GOLGA7B: variants seen among roughly 807,000 people sequenced by gnomAD.
GOLGA7B encodes the protein golgin subfamily A member 7B.
A neutral mutation model predicts 21.5 loss-of-function variants in GOLGA7B; 17 were observed. The ratio of observed to expected loss-of-function variants is 0.79; its 90% CI spans 0.54 to 1.19. GOLGA7B has a LOEUF of 1.19. GOLGA7B is among the 50% of genes most tolerant of loss of function. The pLI, the probability that GOLGA7B is intolerant of heterozygous loss-of-function variation, is 0.00. For synonymous variants in GOLGA7B, 87 were observed against 84.0 expected (o/e 1.04, Z -0.19); for missense variants, 169 against 224.4 (o/e 0.75, Z 1.58).
At position 97,870,535 on chromosome 10, in the gene GOLGA7B, C is replaced by T. The variant is rs2050081221; in HGVS notation, c.*4835C>T. ...CAGAGTGCCAGTTACACGGGGTGCT[C>T]ACTTCATGAGAATTCACTGAGCTGT... On this transcript the variant is annotated 3_prime_UTR_variant, in exon 5 of 5. Transcript: ENST00000370602. 2.6e-5 allele frequency: 4 copies of T among 152,024 alleles called. No homozygotes were observed. In the South Asian group the frequency reaches 8.3e-4, roughly 32 times the overall value. The allele number at this position is 152,024 out of a possible 1,614,324, so 9.4% of individuals were successfully genotyped here. A position where few individuals can be genotyped will look rare whatever the true frequency, so the allele number is the denominator to read the frequency against.
At chr10:97,864,345 A>G (rs1170917970) in intron 4 of GOLGA7B, 76 bp downstream of exon 4, 5 of 1,273,904 alleles carry the variant, frequency 3.9e-6, no homozygotes, top group Non-Finnish European at 5.7e-6. Flanking sequence ...CTGCCAGGAA[A>G]CGAGGCCACC....
In GOLGA7B at chr10:97,859,482, C is replaced by T. The variant is rs768638204; in HGVS notation, c.37C>T (p.Arg13Ter). The change falls in exon 2 of 5, where the codon CGA (arginine) becomes TGA (stop). Residue 13 changes from arginine (R) to a stop codon, truncating the protein, a stop_gained. Transcript: ENST00000370602. LOFTEE classifies it high-confidence loss of function. Reference sequence around the variant, plus strand: ...GGTCCACAATCTGCAGGAGCTCCGGCGAAGTGCCTCACTGGCCACCAAGGT... The same window carrying T: ...GGTCCACAATCTGCAGGAGCTCCGGTGAAGTGCCTCACTGGCCACCAAGGT... ...TEVHNLQELR[R>*]SASLATKVFI... 137 of 1,613,972 alleles carry T rather than the reference C, an allele frequency of 8.5e-5. No individual in the cohort carries two copies. Among genetic ancestry groups the T allele is most frequent in the Non-Finnish European group, 1.1e-4 (132 of 1,179,984 alleles).
chr10:97,858,430 G>A (rs749933949), intron 1 of GOLGA7B, among the ~76,000 whole-genome samples: 6 of 152,150 alleles, frequency 3.9e-5, no homozygotes, highest in Non-Finnish European at 8.8e-5. Flanking sequence ...TGCCTTTGGG[G>A]CTTGGTCTCC....
At chr10:97,865,467 C>T (rs2050008687) in intron 4 of GOLGA7B, 123 bp from the exon 5 acceptor site, 1 of 1,508,864 alleles carries the variant, frequency 6.6e-7, no homozygotes, top group Non-Finnish European at 9.0e-7. Context: ...CCTTTACATC[C>T]CTACTGTCTA....
At chr10:97,860,596 G>A (rs1241235798) in intron 2 of GOLGA7B, among the ~76,000 whole-genome samples, 2 of 152,014 alleles carry the variant, frequency 1.3e-5, no homozygotes, top group African/African-American at 2.4e-5. Flanking sequence ...CAAGTGATCC[G>A]CCCTCCTCGG....
chr10:97,858,396 G>T (rs935595397), intron 1 of GOLGA7B, among the ~76,000 whole-genome samples: 1 of 152,202 alleles, frequency 6.6e-6, no homozygotes, highest in Non-Finnish European at 1.5e-5. Context: ...TAATTACATG[G>T]GATGAACTGG....
In GOLGA7B at chr10:97,869,786, C is replaced by T. The variant is rs1203878236; in HGVS notation, c.*4086C>T. 1 of 152,294 alleles carries T rather than the reference C, an allele frequency of 6.6e-6. No homozygotes were observed. The highest frequency in any genetic ancestry group is 1.5e-5 in the Non-Finnish European group (1 of 68,088). 9.4% of individuals were successfully genotyped at this position (152,294 alleles called of 1,614,324 possible). On this transcript the variant is annotated 3_prime_UTR_variant, in exon 5 of 5. Coordinates refer to ENST00000370602, the MANE Select transcript of GOLGA7B (RefSeq NM_001010917.3). ...CAGAGGTGTGGGGCAAAGGTGGAGT[C>T]TGGTGACTTTCTCCCTAGGGCCAGC...
intron 1 of GOLGA7B, among the ~76,000 whole-genome samples, chr10:97,859,027 AG>A (rs1205484669): frequency 6.6e-6 from 1 of 152,202 alleles, no homozygotes; most frequent in African/African-American, 2.4e-5. Flanking sequence ...CGTGCGAGAG[AG>A]ACTCAACTTT....
At position 97,868,763 on chromosome 10, in the gene GOLGA7B, G is replaced by A. The variant is rs1003300570; in HGVS notation, c.*3063G>A. ...TCTTCTAGAGATGAGGTCCTGGGGA[G>A]GGGGTGAGGATTTACTAAACGGGTA... On this transcript the variant is annotated 3_prime_UTR_variant, in exon 5 of 5. Coordinates refer to ENST00000370602, the MANE Select transcript of GOLGA7B (RefSeq NM_001010917.3). 1.3e-5 allele frequency: 2 copies of A among 152,236 alleles called. No homozygotes were observed. The highest frequency in any genetic ancestry group is 2.9e-5 in the Non-Finnish European group (2 of 68,036). The allele number at this position is 152,236 out of a possible 1,614,324, so 9.4% of individuals were successfully genotyped here. A position where few individuals can be genotyped will look rare whatever the true frequency, so the allele number is the denominator to read the frequency against.
chr10:97,863,245 G>T (rs1232703294), intron 2 of GOLGA7B, among the ~76,000 whole-genome samples: 2 of 152,198 alleles, frequency 1.3e-5, no homozygotes, highest in Non-Finnish European at 2.9e-5. Context: ...AAATGGGGAT[G>T]GCAGTAGTAC....
chr10:97,853,660 G>A (rs1203827024), intron 1 of GOLGA7B, among the ~76,000 whole-genome samples: 1 of 152,204 alleles, frequency 6.6e-6, no homozygotes, highest in Non-Finnish European at 1.5e-5. Flanking sequence ...GGTGAGAAGT[G>A]GAGAGAGGCT....
At position 97,867,271 on chromosome 10, in the gene GOLGA7B, G is replaced by A. The variant is rs1186255539; in HGVS notation, c.*1571G>A. 1.3e-5 allele frequency: 2 copies of A among 152,486 alleles called. No homozygotes were observed. The highest frequency in any genetic ancestry group is 2.9e-5 in the Non-Finnish European group (2 of 68,144). 9.4% of individuals were successfully genotyped at this position (152,486 alleles called of 1,614,324 possible). A position where few individuals can be genotyped will look rare whatever the true frequency, so the allele number is the denominator to read the frequency against. ...AGGAGATGTCCAGCCAATGATGCCCGGCTTCTGAGGCCCAGAGGAGCAGGT... is the reference window on the plus strand; with the variant it reads ...AGGAGATGTCCAGCCAATGATGCCCAGCTTCTGAGGCCCAGAGGAGCAGGT... On this transcript the variant is annotated 3_prime_UTR_variant, in exon 5 of 5. Coordinates refer to ENST00000370602, the MANE Select transcript of GOLGA7B (RefSeq NM_001010917.3).
chr10:97,852,289 G>A (rs192723334), intron 1 of GOLGA7B, among the ~76,000 whole-genome samples: 415 of 152,312 alleles, frequency 2.7e-3, no homozygotes, highest in Middle Eastern at 0.02. Flanking sequence ...CTTTGGTGGA[G>A]AGAGGGATGC....
At position 97,869,951 on chromosome 10, in the gene GOLGA7B, C is replaced by T. The variant is rs1228797974; in HGVS notation, c.*4251C>T. ...ACCCAGGGATAAGGCAAGGCAAACA[C>T]CACTCCACATCAGATCTGAATTTGA... On this transcript the variant is annotated 3_prime_UTR_variant, in exon 5 of 5. Transcript: ENST00000370602. 1 of 152,262 alleles carries T rather than the reference C, an allele frequency of 6.6e-6. No homozygotes were observed. The highest frequency in any genetic ancestry group is 1.9e-4 in the East Asian group (1 of 5,194). The allele number at this position is 152,262 out of a possible 1,614,324, so 9.4% of individuals were successfully genotyped here.
At chr10:97,863,332 A>C (rs2049983466) in intron 2 of GOLGA7B, among the ~76,000 whole-genome samples, 1 of 152,206 alleles carries the variant, frequency 6.6e-6, no homozygotes, top group Non-Finnish European at 1.5e-5. Context: ...AATACATATT[A>C]GCCATTCCTA....
Position 97,850,262 on chromosome 10 carries a change from C to T in GOLGA7B, c.-42C>T, listed in dbSNP as rs1489347745. ...CCCGGGGTCAGCACCGCGGAGACCC[C>T]CCTCGCCCGGCCCCGCGACAGCCTC... On this transcript the variant is annotated 5_prime_UTR_variant, in exon 1 of 5. Transcript: ENST00000370602. 6 of 1,448,478 alleles carry T rather than the reference C, an allele frequency of 4.1e-6. No homozygotes were observed. The highest frequency in any genetic ancestry group is 3.7e-6 in the Non-Finnish European group (4 of 1,095,038). 89.7% of individuals were successfully genotyped at this position (1,448,478 alleles called of 1,614,324 possible).
rs3750606 is a variant in GOLGA7B, at chr10:97,867,572, C to T, written c.*1872C>T. ...TGGTCCAAGGATCCCCCTGGAGAGC[C>T]GCAGTTCAGTGGGCTCCACCGCAGC... is the stretch of plus-strand genomic sequence containing the variant. On this transcript the variant is annotated 3_prime_UTR_variant, in exon 5 of 5. Transcript: ENST00000370602. 16,028 of 152,354 alleles carry T rather than the reference C, an allele frequency of 0.11. 1,490 individuals are homozygous for T. Among genetic ancestry groups the T allele is most frequent in the African/African-American group, 0.25 (10,462 of 41,474 alleles). The allele number at this position is 152,354 out of a possible 1,614,324, so 9.4% of individuals were successfully genotyped here.
intron 1 of GOLGA7B, among the ~76,000 whole-genome samples, chr10:97,851,000 A>G (rs962877100): frequency 1.3e-5 from 2 of 152,028 alleles, no homozygotes; most frequent in Non-Finnish European, 2.9e-5. Context: ...AGCTAAGGGC[A>G]GAATCTTGGT....
rs1490507862 is a variant in GOLGA7B, at chr10:97,870,667, T to C, written c.*4967T>C. 1 of 152,196 alleles carries C rather than the reference T, an allele frequency of 6.6e-6. No individual in the cohort carries two copies. Among genetic ancestry groups the C allele is most frequent in the Non-Finnish European group, 1.5e-5 (1 of 68,024 alleles). 9.4% of individuals were successfully genotyped at this position (152,196 alleles called of 1,614,324 possible). ...GGAAAAGAAAGGACACACTTGAAAT[T>C]AACGTTTTGTTAAATATCTGGAAAT... is the stretch of plus-strand genomic sequence containing the variant. On this transcript the variant is annotated 3_prime_UTR_variant, in exon 5 of 5. Coordinates refer to ENST00000370602, the MANE Select transcript of GOLGA7B (RefSeq NM_001010917.3).
Sources: gnomAD v4.1 joint callset for allele counts (sites outside exome capture counted in the v4.1 genomes callset) on GRCh38, gnomAD v4.1.1 for gene constraint, MANE v1.5 for transcripts, NCBI Gene and HGNC (gene_info 2026-07-23, HGNC 2026-07-21) for gene names.